Variants in RYR2 observed in about 807,000 individuals in gnomAD.
The protein encoded by RYR2 is cardiac muscle ryanodine receptor-calcium release channel.
Under a neutral mutation model 601.1 loss-of-function variants are expected in RYR2, and 227 were observed. That is an observed-to-expected ratio of 0.38 (90% CI 0.34 to 0.42). The LOEUF is 0.42. Ranked by LOEUF, RYR2 falls within the 10% of genes least tolerant of loss-of-function variation. The pLI is 1.00. For missense variants in RYR2, 4,646 were observed against 6,156.5 expected, an observed-to-expected ratio of 0.75 and a Z score of 8.21; for synonymous variants, 2,223 against 2,175.1, an observed-to-expected ratio of 1.02 and a Z score of -0.61.
intron 29 of RYR2, among the ~76,000 whole-genome samples, chr1:237,576,291 G>A (rs1433266055): frequency 6.6e-6 from 1 of 152,134 alleles, no homozygotes; most frequent in Non-Finnish European, 1.5e-5. Context: ...ATTGTAAAGG[G>A]CTAAAATATC....
intron 1 of RYR2, among the ~76,000 whole-genome samples, chr1:237,048,829 G>T (rs983915718): frequency 6.6e-6 from 1 of 152,122 alleles, no homozygotes; most frequent in African/African-American, 2.4e-5. Flanking sequence ...GAGAAATCTT[G>T]TGGCAAGGAG....
intron 17 of RYR2, among the ~76,000 whole-genome samples, chr1:237,473,345 A>T (rs997866038): frequency 6.6e-6 from 1 of 151,838 alleles, no homozygotes; most frequent in Non-Finnish European, 1.5e-5. Flanking sequence ...AATCGCTTGA[A>T]CTTGGGAGGC....
At chr1:237,449,058 C>T (rs1375330490) in intron 14 of RYR2, among the ~76,000 whole-genome samples, 2 of 152,114 alleles carry the variant, frequency 1.3e-5, no homozygotes, top group African/African-American at 4.8e-5. Context: ...AGGAGATACA[C>T]ACACACACGC....
intron 79 of RYR2, among the ~76,000 whole-genome samples, chr1:237,741,871 G>T (rs1268396451): frequency 6.6e-6 from 1 of 152,022 alleles, no homozygotes; most frequent in African/African-American, 2.4e-5. Flanking sequence ...CAAAGTGCTG[G>T]GATTACAGGG....
intron 38 of RYR2, among the ~76,000 whole-genome samples, chr1:237,623,383 CTTTTT>C (rs1164153613): frequency 2.8e-5 from 3 of 108,844 alleles, no homozygotes; most frequent in East Asian, 2.7e-4. Flanking sequence ...TTCTTTCTTT[CTTTTT>C]TTTTTTTTTT....
rs573622115 is a variant in RYR2 at position 237,072,934 on chromosome 1, C to T, written c.48+30365C>T. On this transcript the variant is annotated intron_variant, in intron 1 of 104. Coordinates refer to ENST00000366574, the MANE Select transcript of RYR2 (RefSeq NM_001035.3). ...CTACACTCCAGCACGGGCGACAGAG[C>T]GAGACTCCATCTCAAAAAAAAAAAA... 2.0e-4 allele frequency among the ~76,000 whole-genome samples: 25 copies of T among 126,564 alleles called. 1 individual carries two copies. Among genetic ancestry groups the T allele is most frequent in the Middle Eastern group, 5.0e-3 (1 of 200 alleles). The allele number at this position is 126,564 out of a possible 152,430, so 83.0% of individuals were successfully genotyped here.
intron 1 of RYR2, among the ~76,000 whole-genome samples, chr1:237,201,892 G>A (rs1468466439): frequency 6.6e-6 from 1 of 152,166 alleles, no homozygotes; most frequent in Non-Finnish European, 1.5e-5. Flanking sequence ...TTCTATCTGA[G>A]TTATTTTATC....
At chr1:237,062,886 T>TCA (rs897820197) in intron 1 of RYR2, among the ~76,000 whole-genome samples, 3 of 152,228 alleles carry the variant, frequency 2.0e-5, no homozygotes, top group Admixed American at 6.5e-5. Context: ...GCAGCTGAAT[T>TCA]CTGCCTTGTA....
intron 84 of RYR2, among the ~76,000 whole-genome samples, chr1:237,764,138 T>C (rs1263358297): frequency 6.6e-6 from 1 of 152,224 alleles, no homozygotes; most frequent in African/African-American, 2.4e-5. Context: ...GGAAAACGTA[T>C]AAGCTCAAAT....
At chr1:237,494,739 G>A (rs142216818) in intron 19 of RYR2, among the ~76,000 whole-genome samples, 16 of 152,298 alleles carry the variant, frequency 1.1e-4, no homozygotes, top group Middle Eastern at 3.4e-3. Flanking sequence ...TGGAGAAACT[G>A]ATAACTTCCT....
At chr1:237,259,753 G>A (rs961121) in intron 1 of RYR2, among the ~76,000 whole-genome samples, 1 of 152,008 alleles carries the variant, frequency 6.6e-6, no homozygotes. Context: ...TCACAGAACC[G>A]TAAAATGTGA....
At chr1:237,496,879 A>C (rs1664129430) in intron 20 of RYR2, 127 bp downstream of exon 20, 4 of 1,117,858 alleles carry the variant, frequency 3.6e-6, no homozygotes, top group Non-Finnish European at 5.1e-6. Context: ...TTTAGCATTG[A>C]GATGATGAGT....
intron 10 of RYR2, among the ~76,000 whole-genome samples, chr1:237,409,580 A>G (rs1048494202): frequency 1.3e-5 from 2 of 152,144 alleles, no homozygotes; most frequent in Non-Finnish European, 2.9e-5. Context: ...ATTTCTAGAA[A>G]TACCTGTTAT....
At chr1:237,298,294 C>T (rs144094628) in intron 2 of RYR2, among the ~76,000 whole-genome samples, 295 of 152,194 alleles carry the variant, frequency 1.9e-3, no homozygotes, top group African/African-American at 6.6e-3. Flanking sequence ...CTCAGGAGGG[C>T]GGAGTTTCAT....
rs73112425 is a variant in RYR2, at chr1:237,525,416, G to A, written c.2823-5011G>A. 3.4e-3 allele frequency among the ~76,000 whole-genome samples: 518 copies of A among 151,628 alleles called. 5 individuals carry two copies. Among genetic ancestry groups the A allele is most frequent in the African/African-American group, 0.012 (495 of 41,436 alleles). On this transcript the variant is annotated intron_variant, in intron 24 of 104. Transcript: ENST00000366574. ...TGACTTTGCTATTGTAAATAGTGCC[G>A]CAATGAACATGTGAGTGCAGGTGTT...
At chr1:237,769,834 C>T (rs762404004) in intron 84 of RYR2, among the ~76,000 whole-genome samples, 2 of 150,062 alleles carry the variant, frequency 1.3e-5, no homozygotes, top group African/African-American at 4.9e-5. Flanking sequence ...AGCAGCTGCT[C>T]GTAATGTGGA....
intron 1 of RYR2, among the ~76,000 whole-genome samples, chr1:237,258,210 GCTTTGCA>G (rs1688181371): frequency 6.6e-6 from 1 of 151,554 alleles, no homozygotes; most frequent in Non-Finnish European, 1.5e-5. Flanking sequence ...AAAGAAAAGG[GCTTTGCA>G]CATCTGAGGA....
At chr1:237,163,618 A>G (rs535568222) in intron 1 of RYR2, among the ~76,000 whole-genome samples, 1 of 152,286 alleles carries the variant, frequency 6.6e-6, no homozygotes, top group Middle Eastern at 3.4e-3. Context: ...GAGCATACCC[A>G]GTTCTCTTAA....
chr1:237,345,901 G>A (rs540044520), intron 3 of RYR2, among the ~76,000 whole-genome samples: 1 of 151,990 alleles, frequency 6.6e-6, no homozygotes, highest in African/African-American at 2.4e-5. Flanking sequence ...ATTACTTGTG[G>A]TATTTAATTT....
Sources: allele counts gnomAD v4.1 joint callset (sites outside exome capture counted in the v4.1 genomes callset), GRCh38; gene constraint gnomAD v4.1.1; transcripts MANE v1.5; gene names NCBI Gene and HGNC (gene_info 2026-07-23, HGNC 2026-07-21).